Variants in LIPA observed in about 807,000 individuals in gnomAD.
LIPA encodes the protein lysosomal acid lipase/cholesteryl ester hydrolase.
In LIPA, 26 loss-of-function variants were observed where a neutral mutation model predicts 40.6. The ratio of observed to expected loss-of-function variants is 0.64; its 90% CI spans 0.47 to 0.89. LIPA has a LOEUF of 0.89. Ranked by LOEUF, LIPA falls within the 40% of genes least tolerant of loss-of-function variation. The pLI is 0.00. For synonymous variants in LIPA, 188 were observed against 168.4 expected, an observed-to-expected ratio of 1.12 and a Z score of -0.90; for missense variants, 455 against 479.6, an observed-to-expected ratio of 0.95 and a Z score of 0.48.
chr10:89,251,729 A>C lies in LIPA; in HGVS notation c.-2+8T>G, dbSNP rs1218983436. The C allele has an allele frequency of 6.6e-6, 1 of 152,056 alleles. No homozygotes were observed. Among genetic ancestry groups the C allele is most frequent in the East Asian group, 1.9e-4 (1 of 5,182 alleles). 9.4% of individuals were successfully genotyped at this position (152,056 alleles called of 1,614,324 possible). A position where few individuals can be genotyped will look rare whatever the true frequency, so the allele number is the denominator to read the frequency against. ...CACCTGGCAGCGCCGCGGCGCCGGCACTCTCACCTGGAGCTGTCCTGCCGG... is the reference window on the plus strand; with the variant it reads ...CACCTGGCAGCGCCGCGGCGCCGGCCCTCTCACCTGGAGCTGTCCTGCCGG... On this transcript the variant is annotated splice_region_variant and intron_variant, in intron 1 of 9. Coordinates refer to ENST00000336233, the MANE Select transcript of LIPA (RefSeq NM_000235.4).
At position 89,218,322 on chromosome 10, in the gene LIPA, C is replaced by A. The variant is rs568680804; in HGVS notation, c.895-2313G>T. 8.3e-4 allele frequency among the ~76,000 whole-genome samples: 127 copies of A among 152,224 alleles called. 3 individuals are homozygous for A. The South Asian group carries it at 0.026, about 31-fold the overall frequency. ...TATAAGGACAGATGATTTATGACTG[C>A]AAAACAACTATCACTGCAAAAAACA... On this transcript the variant is annotated intron_variant, in intron 8 of 9. Transcript: ENST00000336233.
At chr10:89,394,590 A>ATATATATTT (rs1844307981) in intron 2 of LIPA, among the ~76,000 whole-genome samples, 1 of 17,658 alleles carries the variant, frequency 5.7e-5, no homozygotes, top group African/African-American at 3.1e-4. Context: ...ATATATATAT[A>ATATATATTT]TATATATATA....
chr10:89,343,428 A>G (rs1843888970), upstream of LIPA, among the ~76,000 whole-genome samples: 2 of 152,078 alleles, frequency 1.3e-5, no homozygotes, highest in African/African-American at 4.8e-5. Flanking sequence ...GACCTTCCTA[A>G]GTTTTATGGC....
intron 2 of LIPA, among the ~76,000 whole-genome samples, chr10:89,352,706 A>T (rs1308881213): frequency 6.6e-6 from 1 of 151,764 alleles, no homozygotes; most frequent in Non-Finnish European, 1.5e-5. Flanking sequence ...CCAAGTCACT[A>T]AGCCAAAGGG....
At chr10:89,405,747 C>G (rs1178780464) in intron 2 of LIPA, 1 of 152,226 alleles carries the variant, frequency 6.6e-6, no homozygotes, top group Non-Finnish European at 1.5e-5. Flanking sequence ...TTGCCTCTTT[C>G]TTCTAAGGAC....
At chr10:89,408,808 A>C (rs1243875694) in intron 2 of LIPA, among the ~76,000 whole-genome samples, 1 of 152,176 alleles carries the variant, frequency 6.6e-6, no homozygotes, top group African/African-American at 2.4e-5. Flanking sequence ...GAGAGTTTGG[A>C]GATACCTGGT....
chr10:89,293,683 A>AGAGG (rs1395229541), intron 1 of LIPA: 1 of 123,242 alleles, frequency 8.1e-6, no homozygotes, highest in African/African-American at 3.3e-5. Flanking sequence ...GTGAGATGAG[A>AGAGG]GAGAGAGAGA....
intron 1 of LIPA, among the ~76,000 whole-genome samples, chr10:89,326,417 G>T (rs530069169): frequency 6.6e-6 from 1 of 152,294 alleles, no homozygotes; most frequent in African/African-American, 2.4e-5. Context: ...ATAGAGATTA[G>T]AATGATGATT....
intron 2 of LIPA, chr10:89,384,683 T>C (rs779839288): frequency 1.2e-6 from 2 of 1,614,236 alleles, no homozygotes; most frequent in Non-Finnish European, 1.7e-6. Flanking sequence ...AGTGATGCTT[T>C]GCTGTGCTAT....
chr10:89,393,467 T>C (rs1564807280), intron 2 of LIPA: 1 of 425,862 alleles, frequency 2.3e-6, no homozygotes, highest in Non-Finnish European at 4.0e-6. Context: ...GCAAGGGGGC[T>C]CATGCTTGTA....
chr10:89,246,815 T>C (rs893501684), intron 2 of LIPA, among the ~76,000 whole-genome samples: 1 of 152,162 alleles, frequency 6.6e-6, no homozygotes, highest in African/African-American at 2.4e-5. Context: ...TACTTTGACT[T>C]CTGTATAGAA....
chr10:89,383,327 C>A lies in LIPA; in HGVS notation c.61+29464G>T, dbSNP rs1483722998. ...GCTGCCTATTTTTACAGTGAAGAAT[C>A]TGATGGAAAGCTTATTGAAGACAGC... On this transcript the variant is annotated intron_variant, in intron 2 of 8. Coordinates refer to the LIPA transcript ENST00000371837. The A allele has an allele frequency of 1.9e-6, 3 of 1,609,674 alleles. No homozygotes were observed. In the South Asian group the frequency reaches 3.3e-5, roughly 18 times the overall value.
At chr10:89,229,255 T>C (rs1256144581) in intron 3 of LIPA, among the ~76,000 whole-genome samples, 3 of 152,216 alleles carry the variant, frequency 2.0e-5, no homozygotes, top group Non-Finnish European at 4.4e-5. Context: ...AAAGGCTGCA[T>C]TCTATATGAC....
chr10:89,225,395 G>A (rs1044895630), intron 5 of LIPA, among the ~76,000 whole-genome samples, 167 bp from the exon 6 acceptor site: 1 of 152,168 alleles, frequency 6.6e-6, no homozygotes, highest in African/African-American at 2.4e-5. Context: ...CTGAACTTCC[G>A]TGTGCCCTAA....
At chr10:89,257,957 C>T (rs1365928473) in intron 1 of LIPA, among the ~76,000 whole-genome samples, 2 of 152,120 alleles carry the variant, frequency 1.3e-5, no homozygotes, top group Non-Finnish European at 2.9e-5. Flanking sequence ...AAGGCTCACA[C>T]AAAACTTGGA....
At chr10:89,218,555 G>T (rs558032406) in intron 8 of LIPA, among the ~76,000 whole-genome samples, 2 of 152,078 alleles carry the variant, frequency 1.3e-5, no homozygotes, top group Non-Finnish European at 1.5e-5. Flanking sequence ...ATCCTCCTGC[G>T]AGCAGCCAGG....
At chr10:89,319,519 T>C (rs764677168) in intron 1 of LIPA, among the ~76,000 whole-genome samples, 2 of 152,148 alleles carry the variant, frequency 1.3e-5, no homozygotes, top group South Asian at 4.1e-4. Flanking sequence ...CAGGAAGAAG[T>C]TGAATTCCTG....
chr10:89,394,649 T>A, intron 2 of LIPA, among the ~76,000 whole-genome samples: 2 of 144,976 alleles, frequency 1.4e-5, no homozygotes, highest in East Asian at 3.9e-4. Context: ...TTTATTCAGG[T>A]TAGCAATGTG....
chr10:89,334,242 T>G (rs2133549904), intron 1 of LIPA, among the ~76,000 whole-genome samples: 1 of 152,294 alleles, frequency 6.6e-6, no homozygotes, highest in South Asian at 2.1e-4. Flanking sequence ...GGTGAGAGAC[T>G]GTAACTATGT....
Sources: allele counts gnomAD v4.1 joint callset (sites outside exome capture counted in the v4.1 genomes callset), GRCh38; gene constraint gnomAD v4.1.1; transcripts MANE v1.5; gene names NCBI Gene and HGNC (gene_info 2026-07-23, HGNC 2026-07-21).